The following MRPS21 variants were observed in gnomAD, a reference collection of about 807,000 sequenced individuals.
MRPS21 encodes the protein small ribosomal subunit protein bS21m.
In MRPS21, 8 loss-of-function variants were observed where a neutral mutation model predicts 9.9. The observed-to-expected ratio is 0.81, with a 90% CI of 0.47 to 1.45. The LOEUF is 1.45. Ranked by LOEUF, MRPS21 falls within the 40% of genes most tolerant of loss-of-function variation. The pLI, the probability that MRPS21 is intolerant of heterozygous loss-of-function variation, is 0.00. For synonymous variants in MRPS21, 40 were observed against 40.3 expected, an observed-to-expected ratio of 0.99 and a Z score of 0.03; for missense variants, 101 against 118.9, an observed-to-expected ratio of 0.85 and a Z score of 0.70.
At chr1:150,298,634 C>G (rs1220278394) in intron 2 of MRPS21, among the ~76,000 whole-genome samples, 3 of 152,184 alleles carry the variant, frequency 2.0e-5, no homozygotes, top group Non-Finnish European at 4.4e-5. Context: ...CGGAGTCTCC[C>G]TCTGTCGCCC....
At chr1:150,294,601 T>A in intron 2 of MRPS21, 152 bp downstream of exon 2, 1 of 706,164 alleles carries the variant, frequency 1.4e-6, no homozygotes, top group Non-Finnish European at 2.4e-6. Flanking sequence ...TTTATTATCT[T>A]AAAAATGAAG....
chr1:150,294,896 C>CAAAAAAA (rs143847321), intron 2 of MRPS21, among the ~76,000 whole-genome samples: 27,679 of 135,524 alleles, frequency 0.2, 3,439 homozygotes, highest in African/African-American at 0.28. Flanking sequence ...GACTCTATCT[C>CAAAAAAA]AAAAAAAAAG....
intron 2 of MRPS21, among the ~76,000 whole-genome samples, chr1:150,300,423 G>A (rs782781972): frequency 1.3e-5 from 2 of 152,066 alleles, no homozygotes; most frequent in African/African-American, 4.8e-5. Flanking sequence ...TTACCAAAGT[G>A]TCTGGCACAT....
At chr1:150,294,269 GGTGTA>G in intron 1 of MRPS21, 61 bp from the exon 2 acceptor site, 1 of 1,088,536 alleles carries the variant, frequency 9.2e-7, no homozygotes, top group African/African-American at 1.6e-5. Flanking sequence ...TAAGCCGCGC[GGTGTA>G]GTTTGTATTA....
chr1:150,299,068 T>C (rs1338932645), intron 2 of MRPS21, among the ~76,000 whole-genome samples: 1 of 152,108 alleles, frequency 6.6e-6, no homozygotes, highest in Non-Finnish European at 1.5e-5. Context: ...ATACAAAAAT[T>C]AGCCATGCAT....
In MRPS21 at chr1:150,298,944, A is replaced by G. The variant is rs73013116; in HGVS notation, c.83+4495A>G. ...TATCAAGAGAGTAGCGGCTGGGTGCAGTGCCTCAGTCTTGTATTCTCAGCA... is the reference window on the plus strand; with the variant it reads ...TATCAAGAGAGTAGCGGCTGGGTGCGGTGCCTCAGTCTTGTATTCTCAGCA... On this transcript the variant is annotated intron_variant, in intron 2 of 2. Coordinates refer to ENST00000614145, the MANE Select transcript of MRPS21 (RefSeq NM_031901.6). 9.6e-3 allele frequency among the ~76,000 whole-genome samples: 1,468 copies of G among 152,270 alleles called. 19 individuals are homozygous for G. Among genetic ancestry groups the G allele is most frequent in the African/African-American group, 0.033 (1,392 of 41,562 alleles).
rs1654428331 is a variant in MRPS21 at position 150,308,341 on chromosome 1, TG to T, written c.*114del. The T allele has an allele frequency of 2.7e-6, 3 of 1,124,004 alleles. No individual in the cohort carries two copies. Among genetic ancestry groups the T allele is most frequent in the Non-Finnish European group, 3.7e-6 (3 of 814,610 alleles). The allele number at this position is 1,124,004 out of a possible 1,614,324, so 69.6% of individuals were successfully genotyped here. The stretch of plus-strand genomic sequence containing the variant: ...TTCTCTGCAATAAACTCAAATCACA[TG>T]TCTGCAAGAAGGCCTCCAAATATAG... On this transcript the variant is annotated 3_prime_UTR_variant, in exon 3 of 3. Transcript: ENST00000614145.
chr1:150,307,878 C>T (rs904531726), intron 2 of MRPS21, among the ~76,000 whole-genome samples, 170 bp from the exon 3 acceptor site: 10 of 152,190 alleles, frequency 6.6e-5, no homozygotes, highest in Non-Finnish European at 1.0e-4. Context: ...ACCCGGCCCA[C>T]AGATTCTTAT....
At chr1:150,303,140 C>T (rs1444355294) in intron 2 of MRPS21, among the ~76,000 whole-genome samples, 1 of 152,136 alleles carries the variant, frequency 6.6e-6, no homozygotes, top group Non-Finnish European at 1.5e-5. Flanking sequence ...CATACTCAAC[C>T]CCTTCCTCCT....
chr1:150,294,279 G>C (rs1653832687), intron 1 of MRPS21, 56 bp from the exon 2 acceptor site: 3 of 1,227,396 alleles, frequency 2.4e-6, no homozygotes, highest in South Asian at 2.5e-5. Context: ...GGTGTAGTTT[G>C]TATTATGTTG....
chr1:150,294,239 T>C, intron 1 of MRPS21, 96 bp from the exon 2 acceptor site: 12 of 789,758 alleles, frequency 1.5e-5, no homozygotes, highest in Non-Finnish European at 2.3e-5. Flanking sequence ...CCTGAGCATG[T>C]TGAATTTCCA....
At position 150,308,034 on chromosome 1, in the gene MRPS21, TTGCCTTTA is replaced by T. The variant is rs1572154713; in HGVS notation, c.84-12_84-5del. 11 of 1,552,086 alleles carry T rather than the reference TTGCCTTTA, an allele frequency of 7.1e-6. No individual in the cohort carries two copies. The East Asian group carries it at 2.5e-4, about 36-fold the overall frequency. On this transcript the variant is annotated splice_region_variant and splice_polypyrimidine_tract_variant and intron_variant, in intron 2 of 2. Transcript: ENST00000614145. ...GATCCCAAATGTCTAACCTCATTGC[TTGCCTTTA>T]TACAGAATCCTCACTATGGATGGGC...
rs764735933 is a variant in MRPS21, at chr1:150,308,577, AT to A, written c.*350del. 4.8e-5 allele frequency: 8 copies of A among 167,642 alleles called. No homozygotes were observed. Among genetic ancestry groups the A allele is most frequent in the South Asian group, 3.5e-4 (2 of 5,644 alleles). The allele number at this position is 167,642 out of a possible 1,614,324, so 10.4% of individuals were successfully genotyped here. On this transcript the variant is annotated 3_prime_UTR_variant, in exon 3 of 3. Coordinates refer to ENST00000614145, the MANE Select transcript of MRPS21 (RefSeq NM_031901.6). ...CCTGGCATGGTGGCTCACGCCTGTT[AT>A]CCCAACACTTTGGGAGGCTGAGGCG...
At chr1:150,307,726 A>G (rs587647039) in intron 2 of MRPS21, among the ~76,000 whole-genome samples, 16 of 152,076 alleles carry the variant, frequency 1.1e-4, no homozygotes, top group Admixed American at 5.2e-4. Context: ...CTACAGACAC[A>G]TATTACGAAG....
intron 2 of MRPS21, among the ~76,000 whole-genome samples, chr1:150,294,996 A>AT (rs1449221647): frequency 0.081 from 11,047 of 136,558 alleles, 637 homozygotes; most frequent in Non-Finnish European, 0.12. Flanking sequence ...TTTAATTTTA[A>AT]TTTTTTTTTT....
chr1:150,303,682 G>A (rs759792436), intron 2 of MRPS21, among the ~76,000 whole-genome samples: 25 of 152,166 alleles, frequency 1.6e-4, no homozygotes, highest in Non-Finnish European at 3.1e-4. Flanking sequence ...ATAAAAAGAG[G>A]ACATTATTTG....
In MRPS21 at chr1:150,308,180, C is replaced by G; in HGVS notation, c.216C>G (p.Ile72Met). The change falls in exon 3 of 3, where the codon ATC becomes ATG. Residue 72 changes from isoleucine to methionine, a missense_variant. Transcript: ENST00000614145. ...ACAACATGGAAATGGCTCGCAAGATCAACTTCTTGATGCGAAAGAATCGGG... is the reference window on the plus strand; with the variant it reads ...ACAACATGGAAATGGCTCGCAAGATGAACTTCTTGATGCGAAAGAATCGGG... ...RIYNMEMARK[I>M]NFLMRKNRAD... 6.2e-7 allele frequency: 1 copy of G among 1,606,464 alleles called. No homozygotes were observed. The highest frequency in any genetic ancestry group is 8.5e-7 in the Non-Finnish European group (1 of 1,173,550).
Position 150,294,441 on chromosome 1 carries a change from C to G in MRPS21, c.75C>G (p.Thr25=), listed in dbSNP as rs782188190. ...GGAACGTGGAAAGCGCATACAGGACCCTAAACAGGTAACTGTTAAGGGACC... is the reference window on the plus strand; with the variant it reads ...GGAACGTGGAAAGCGCATACAGGACGCTAAACAGGTAACTGTTAAGGGACC... ...QEGNVESAYR[T]LNRILTMDGL... The change falls in exon 2 of 3, where the codon ACC becomes ACG. Residue 25 remains threonine, a synonymous_variant. Coordinates refer to ENST00000614145, the MANE Select transcript of MRPS21 (RefSeq NM_031901.6). 17 of 1,612,200 alleles carry G rather than the reference C, an allele frequency of 1.1e-5. No homozygotes were observed. The South Asian group carries it at 1.6e-4, about 16-fold the overall frequency.
intron 2 of MRPS21, among the ~76,000 whole-genome samples, chr1:150,302,303 T>A (rs1553857825): frequency 1.3e-5 from 2 of 152,132 alleles, no homozygotes; most frequent in Non-Finnish European, 2.9e-5. Context: ...ACAAAATGCC[T>A]GTTATATAAC....
Sources: allele counts gnomAD v4.1 joint callset (sites outside exome capture counted in the v4.1 genomes callset), GRCh38; gene constraint gnomAD v4.1.1; transcripts MANE v1.5; gene names NCBI Gene and HGNC (gene_info 2026-07-23, HGNC 2026-07-21).